The following CCSER1 variants were observed in gnomAD, a reference collection of about 807,000 sequenced individuals.
CCSER1 encodes coiled-coil serine rich protein 1.
Under a neutral mutation model 82.0 loss-of-function variants are expected in CCSER1, and 41 were observed. The ratio of observed to expected loss-of-function variants is 0.50; its 90% confidence interval spans 0.39 to 0.65. CCSER1 has a LOEUF of 0.65. Ranked by LOEUF, CCSER1 falls within the 30% of genes least tolerant of loss-of-function variation. The pLI is 0.00. For synonymous variants in CCSER1, 414 were observed against 383.9 expected (o/e 1.08, Z -0.92); for missense variants, 1,119 against 1,064.2 (o/e 1.05, Z -0.72).
At chr4:90,634,746 A>C (rs530910680) in intron 6 of CCSER1, among the ~76,000 whole-genome samples, 1 of 152,012 alleles carries the variant, frequency 6.6e-6, no homozygotes, top group African/African-American at 2.4e-5. Context: ...CCATGGAAAT[A>C]TAGACAGCAG....
In CCSER1 at chr4:90,888,514, A is replaced by G. The variant is rs142120865; in HGVS notation, c.2095-34856A>G. Among the ~76,000 whole-genome samples the G allele has an allele frequency of 4.3e-3, 652 of 152,036 alleles. 4 individuals are homozygous for G. Among genetic ancestry groups the G allele is most frequent in the Middle Eastern group, 0.01 (3 of 294 alleles). ...ACTTACAGTTTTGTTTTTATATATA[A>G]CAATTTGATAACCTCTGTTGCTTGC... On this transcript the variant is annotated intron_variant, in intron 8 of 10. Coordinates refer to ENST00000509176, the MANE Select transcript of CCSER1 (RefSeq NM_001145065.2).
chr4:91,371,903 A>G (rs115592349), intron 10 of CCSER1, among the ~76,000 whole-genome samples: 2,975 of 152,286 alleles, frequency 0.02, 76 homozygotes, highest in African/African-American at 0.067. Context: ...AAAAAGAAGA[A>G]TGACACAGGG....
chr4:91,187,973 A>G (rs1286242560), intron 10 of CCSER1, among the ~76,000 whole-genome samples: 4 of 152,136 alleles, frequency 2.6e-5, no homozygotes, highest in Non-Finnish European at 1.5e-5. Context: ...TGTTGCTATG[A>G]TAGTAACCTT....
At chr4:90,565,905 GGGT>G (rs1487769399) in intron 5 of CCSER1, among the ~76,000 whole-genome samples, 2 of 150,144 alleles carry the variant, frequency 1.3e-5, no homozygotes, top group Non-Finnish European at 3.0e-5. Context: ...CTATCACCCA[GGGT>G]GGAGTGCAGA....
chr4:91,444,137 A>G (rs966057358), intron 10 of CCSER1, among the ~76,000 whole-genome samples: 17 of 152,174 alleles, frequency 1.1e-4, no homozygotes, highest in African/African-American at 4.1e-4. Context: ...GCGATCACAT[A>G]TACTTAGATA....
intron 5 of CCSER1, among the ~76,000 whole-genome samples, chr4:90,575,963 C>T (rs559706201): frequency 3.3e-5 from 5 of 151,906 alleles, no homozygotes; most frequent in Non-Finnish European, 7.4e-5. Context: ...GTGTATTGGA[C>T]ATTAGGGTAA....
chr4:91,307,797 T>C (rs1030566481), intron 10 of CCSER1, among the ~76,000 whole-genome samples: 2 of 152,100 alleles, frequency 1.3e-5, no homozygotes, highest in African/African-American at 4.8e-5. Context: ...TTGCTGACTT[T>C]AGTATTGTTC....
In CCSER1 at chr4:90,205,000, G is replaced by A. The variant is rs191846886; in HGVS notation, c.-42+77169G>A. Among the ~76,000 whole-genome samples the A allele has an allele frequency of 2.7e-3, 415 of 152,218 alleles. 1 individual carries two copies. The highest frequency in any genetic ancestry group is 9.2e-3 in the African/African-American group (381 of 41,550). ...TCAAGATTTGGCTCTCTGTTTGTCT[G>A]TTATTGGTGTATAGGAATGCTTGTG... On this transcript the variant is annotated intron_variant, in intron 1 of 10. Coordinates refer to ENST00000509176, the MANE Select transcript of CCSER1 (RefSeq NM_001145065.2).
chr4:90,417,913 A>T (rs1375350083), intron 4 of CCSER1, among the ~76,000 whole-genome samples: 2 of 152,174 alleles, frequency 1.3e-5, no homozygotes, highest in Non-Finnish European at 2.9e-5. Flanking sequence ...TCAACTATAA[A>T]TTTCTACAAG....
intron 10 of CCSER1, among the ~76,000 whole-genome samples, chr4:91,537,679 A>G (rs1761363352): frequency 6.6e-6 from 1 of 152,172 alleles, no homozygotes; most frequent in African/African-American, 2.4e-5. Context: ...GTACTTAGTA[A>G]TATGCTATCA....
At chr4:91,184,822 T>A (rs531324925) in intron 10 of CCSER1, among the ~76,000 whole-genome samples, 1 of 152,308 alleles carries the variant, frequency 6.6e-6, no homozygotes, top group African/African-American at 2.4e-5. Context: ...ATTTCATGCA[T>A]TGTATGTTGA....
Position 91,338,839 on chromosome 4 carries a change from TGCTG to T in CCSER1, c.2217+252846_2217+252849del, listed in dbSNP as rs1460535457. On this transcript the variant is annotated intron_variant, in intron 10 of 10. Coordinates refer to ENST00000509176, the MANE Select transcript of CCSER1 (RefSeq NM_001145065.2). Reference sequence around the variant, plus strand: ...ATAAAATTTCCTGGTGATGCCCACATGCTGATGTAGTTTTCTCTTTAAATATATA... The same window carrying T: ...ATAAAATTTCCTGGTGATGCCCACATATGTAGTTTTCTCTTTAAATATATA... 3.0e-4 allele frequency among the ~76,000 whole-genome samples: 45 copies of T among 152,138 alleles called. 1 individual carries two copies. The highest frequency in any genetic ancestry group is 1.5e-4 in the Non-Finnish European group (10 of 68,006).
At chr4:90,599,511 C>G (rs989306884) in intron 5 of CCSER1, among the ~76,000 whole-genome samples, 4 of 152,144 alleles carry the variant, frequency 2.6e-5, no homozygotes, top group African/African-American at 9.7e-5. Context: ...TAGGTAGTAT[C>G]TCCATAGCAG....
intron 1 of CCSER1, among the ~76,000 whole-genome samples, chr4:90,171,675 T>C (rs1243826077): frequency 1.3e-5 from 2 of 151,912 alleles, no homozygotes; most frequent in Admixed American, 1.3e-4. Flanking sequence ...TTACTGGGCT[T>C]CTTTACTTAG....
intron 9 of CCSER1, among the ~76,000 whole-genome samples, chr4:90,948,459 C>T (rs1004613517): frequency 6.6e-6 from 1 of 151,366 alleles, no homozygotes. Context: ...TTCGTTTATT[C>T]TTTTTCTATA....
intron 5 of CCSER1, among the ~76,000 whole-genome samples, chr4:90,481,600 A>G (rs557253258): frequency 6.6e-6 from 1 of 152,330 alleles, no homozygotes; most frequent in South Asian, 2.1e-4. Context: ...ATTTTGTCAA[A>G]AGCCTTTTCT....
chr4:90,276,634 C>T (rs557367848), intron 1 of CCSER1, among the ~76,000 whole-genome samples: 103 of 152,040 alleles, frequency 6.8e-4, no homozygotes, highest in Non-Finnish European at 1.1e-3. Flanking sequence ...GCGTGAGCCA[C>T]TGTGCCTGGC....
chr4:90,190,857 T>G (rs1735490348), intron 1 of CCSER1, among the ~76,000 whole-genome samples: 2 of 152,038 alleles, frequency 1.3e-5, no homozygotes, highest in South Asian at 2.1e-4. Context: ...GTTATTATCA[T>G]CAGCAGCAAC....
intron 1 of CCSER1, among the ~76,000 whole-genome samples, chr4:90,268,374 CAA>C (rs1326202803): frequency 2.6e-5 from 4 of 151,718 alleles, no homozygotes; most frequent in Non-Finnish European, 5.9e-5. Flanking sequence ...AAAATAGAAA[CAA>C]TGATAAGTTA....
Sources: allele counts gnomAD v4.1 joint callset (sites outside exome capture counted in the v4.1 genomes callset), GRCh38; gene constraint gnomAD v4.1.1; transcripts MANE v1.5; gene names NCBI Gene and HGNC (gene_info 2026-07-23, HGNC 2026-07-21).